MDGA2: variants seen among roughly 807,000 people sequenced by gnomAD.
The protein encoded by MDGA2 is MAM domain containing glycosylphosphatidylinositol anchor 2.
Under a neutral mutation model 117.8 loss-of-function variants are expected in MDGA2, and 40 were observed. That is an observed-to-expected ratio of 0.34 (90% CI 0.26 to 0.44). MDGA2 has a LOEUF of 0.44. MDGA2 is among the 20% of genes least tolerant of loss of function. MDGA2 has a pLI of 1.00. For missense variants in MDGA2, 1,123 were observed against 1,250.6 expected, an observed-to-expected ratio of 0.90 and a Z score of 1.54; for synonymous variants, 452 against 439.0, an observed-to-expected ratio of 1.03 and a Z score of -0.37.
chr14:47,099,845 C>A (rs1180377942), intron 5 of MDGA2, among the ~76,000 whole-genome samples: 3 of 151,908 alleles, frequency 2.0e-5, no homozygotes, highest in Non-Finnish European at 4.4e-5. Flanking sequence ...ATCTGAAGTC[C>A]TTTTGATAAT....
intron 5 of MDGA2, among the ~76,000 whole-genome samples, chr14:47,117,922 T>G (rs1594640181): frequency 6.6e-6 from 1 of 152,256 alleles, no homozygotes; most frequent in African/African-American, 2.4e-5. Flanking sequence ...CTGCAATTAA[T>G]AAAATAAAAT....
At chr14:47,613,712 T>C (rs1219812782) in intron 1 of MDGA2, among the ~76,000 whole-genome samples, 1 of 152,170 alleles carries the variant, frequency 6.6e-6, no homozygotes, top group East Asian at 1.9e-4. Flanking sequence ...ATCTGTCCTA[T>C]CAACATTCAT....
intron 3 of MDGA2, among the ~76,000 whole-genome samples, chr14:47,187,642 A>G (rs1366400986): frequency 6.6e-6 from 1 of 152,084 alleles, no homozygotes; most frequent in East Asian, 1.9e-4. Flanking sequence ...AGATATGTTG[A>G]TTGTTTCCTC....
rs142724683 is a variant in MDGA2 at position 47,634,674 on chromosome 14, T to C, written c.280+39843A>G. 5.3e-4 allele frequency among the ~76,000 whole-genome samples: 81 copies of C among 151,588 alleles called. No homozygotes were observed. In the East Asian group the frequency reaches 0.015, roughly 28 times the overall value. On this transcript the variant is annotated intron_variant, in intron 1 of 16. Coordinates refer to ENST00000399232, the MANE Select transcript of MDGA2 (RefSeq NM_001113498.3). ...TTTCATATGCCTAAACCATAAACTTTAGTTAGACTGATTGATCTTAGTAGC... is the reference window on the plus strand; with the variant it reads ...TTTCATATGCCTAAACCATAAACTTCAGTTAGACTGATTGATCTTAGTAGC...
At chr14:47,208,905 C>T (rs1885781995) in intron 3 of MDGA2, among the ~76,000 whole-genome samples, 6 of 151,814 alleles carry the variant, frequency 4.0e-5, no homozygotes, top group Admixed American at 3.9e-4. Flanking sequence ...CACAGGCACA[C>T]ATTCGAATAG....
intron 1 of MDGA2, among the ~76,000 whole-genome samples, chr14:47,523,699 T>A (rs1894915873): frequency 6.6e-6 from 1 of 152,158 alleles, no homozygotes; most frequent in Non-Finnish European, 1.5e-5. Context: ...CAGGCCTGTC[T>A]GCCTGCCTAT....
At chr14:47,447,197 G>T (rs1286522871) in intron 1 of MDGA2, among the ~76,000 whole-genome samples, 3 of 152,114 alleles carry the variant, frequency 2.0e-5, no homozygotes, top group African/African-American at 7.2e-5. Flanking sequence ...TGACTTCACA[G>T]AAGGTAATAC....
At chr14:46,872,531 A>G (rs956292295) in intron 14 of MDGA2, among the ~76,000 whole-genome samples, 2 of 151,914 alleles carry the variant, frequency 1.3e-5, no homozygotes, top group Non-Finnish European at 2.9e-5. Flanking sequence ...GTCTTATGTT[A>G]GAAAGGTGAG....
chr14:47,239,672 T>A (rs1218013005), intron 2 of MDGA2, among the ~76,000 whole-genome samples: 1 of 151,858 alleles, frequency 6.6e-6, no homozygotes, highest in Admixed American at 6.6e-5. Flanking sequence ...AATAAGATAA[T>A]GAATTTTCCT....
intron 1 of MDGA2, among the ~76,000 whole-genome samples, chr14:47,615,461 A>G (rs1423383362): frequency 1.4e-5 from 2 of 144,016 alleles, no homozygotes. Context: ...ATACACAACA[A>G]TGTTTCACAG....
intron 1 of MDGA2, among the ~76,000 whole-genome samples, chr14:47,303,577 G>C (rs941757694): frequency 6.6e-6 from 1 of 152,040 alleles, no homozygotes; most frequent in Non-Finnish European, 1.5e-5. Context: ...TACTAGTGAA[G>C]TACTTATTTT....
chr14:46,929,622 TA>T (rs1566530260), intron 9 of MDGA2, among the ~76,000 whole-genome samples: 1,888 of 30,558 alleles, frequency 0.062, 350 homozygotes, highest in Non-Finnish European at 0.1. Context: ...TATATATATA[TA>T]TATATATATA....
chr14:47,501,090 C>T (rs939774847), intron 1 of MDGA2, among the ~76,000 whole-genome samples: 5 of 152,094 alleles, frequency 3.3e-5, no homozygotes, highest in Admixed American at 2.6e-4. Context: ...ATATTATGTG[C>T]TTCATGATAT....
intron 10 of MDGA2, among the ~76,000 whole-genome samples, chr14:46,888,933 A>G (rs1453977022): frequency 2.0e-5 from 3 of 152,016 alleles, no homozygotes; most frequent in African/African-American, 7.2e-5. Flanking sequence ...TACTGATAGT[A>G]AAAATAATAG....
intron 1 of MDGA2, among the ~76,000 whole-genome samples, chr14:47,440,206 T>G (rs1892978424): frequency 6.6e-6 from 1 of 152,116 alleles, no homozygotes; most frequent in African/African-American, 2.4e-5. Flanking sequence ...CTTCAGCTGC[T>G]GCAGCCTGCT....
intron 2 of MDGA2, among the ~76,000 whole-genome samples, chr14:47,220,969 C>A (rs140692746): frequency 6.6e-6 from 1 of 152,306 alleles, no homozygotes; most frequent in Non-Finnish European, 1.5e-5. Context: ...AAATAATACT[C>A]TAACTCCCAA....
At chr14:47,323,730 G>A (rs182415699) in intron 1 of MDGA2, among the ~76,000 whole-genome samples, 109 of 152,226 alleles carry the variant, frequency 7.2e-4, no homozygotes, top group African/African-American at 2.5e-3. Flanking sequence ...CTGGAATGAC[G>A]TCTTCAGTTA....
intron 6 of MDGA2, among the ~76,000 whole-genome samples, chr14:47,067,282 C>A (rs1489224338): frequency 1.3e-5 from 2 of 152,188 alleles, no homozygotes; most frequent in African/African-American, 4.8e-5. Flanking sequence ...GGGGGAACAT[C>A]TCTGAGGACT....
At chr14:47,540,656 T>C (rs1895334439) in intron 1 of MDGA2, among the ~76,000 whole-genome samples, 1 of 150,876 alleles carries the variant, frequency 6.6e-6, no homozygotes, top group South Asian at 2.1e-4. Context: ...CTCAAACTCC[T>C]GAGGTCAAGC....
Sources: gnomAD v4.1 joint callset for allele counts (sites outside exome capture counted in the v4.1 genomes callset) on GRCh38, gnomAD v4.1.1 for gene constraint, MANE v1.5 for transcripts, NCBI Gene and HGNC (gene_info 2026-07-23, HGNC 2026-07-21) for gene names.